Variants in ANO2 observed in about 807,000 individuals in gnomAD.
ANO2 encodes the protein anoctamin-2.
ANO2 carries 101 observed loss-of-function variants against 124.2 expected under a neutral mutation model. The ratio of observed to expected loss-of-function variants is 0.81; its 90% CI spans 0.69 to 0.96. The LOEUF is 0.96. Among genes scored for constraint, ANO2 ranks in the 40% least tolerant of loss-of-function variants. ANO2 has a pLI of 0.00. For synonymous variants in ANO2, 486 were observed against 482.5 expected, an observed-to-expected ratio of 1.01 and a Z score of -0.09; for missense variants, 1,293 against 1,274.5, an observed-to-expected ratio of 1.01 and a Z score of -0.22.
chr12:5,857,900 T>A (rs1955154437), intron 3 of ANO2, among the ~76,000 whole-genome samples: 1 of 152,182 alleles, frequency 6.6e-6, no homozygotes, highest in Admixed American at 6.5e-5. Flanking sequence ...GAGGACATCA[T>A]GTTAAGTGAA....
intron 3 of ANO2, among the ~76,000 whole-genome samples, chr12:5,879,105 C>T (rs4764592): frequency 0.48 from 73,286 of 152,024 alleles, 17,885 homozygotes; most frequent in South Asian, 0.59. Context: ...CTGAAGCTGT[C>T]TGCATTTCCT....
chr12:5,750,870 A>G lies in ANO2; in HGVS notation c.1156T>C (p.Tyr386His), dbSNP rs748450694. ...SSVIGVIVFLYGCATIEEDIP... is the reference protein window; with the variant it reads ...SSVIGVIVFLHGCATIEEDIP... ...TCTTCTTCAATTGTTGCACATCCAT[A>G]AAGAAACACAATCACTCCAATTACA... Residue 386 changes from tyrosine to histidine, a missense_variant, in exon 11 of 25, where the codon TAT becomes CAT. Tyr to His is a moderately conservative substitution (Grantham distance 83, BLOSUM62 2). Coordinates refer to ENST00000682330, the MANE Select transcript of ANO2 (RefSeq NM_001364791.2). The G allele has an allele frequency of 4.3e-6, 7 of 1,612,904 alleles. No individual in the cohort carries two copies. The East Asian group carries it at 1.6e-4, about 36-fold the overall frequency.
intron 10 of ANO2, among the ~76,000 whole-genome samples, chr12:5,774,434 C>T (rs908961829): frequency 6.6e-6 from 1 of 152,098 alleles, no homozygotes; most frequent in Non-Finnish European, 1.5e-5. Flanking sequence ...CCACCACACT[C>T]CAGCCTGGGA....
intron 20 of ANO2, among the ~76,000 whole-genome samples, chr12:5,589,125 G>T (rs1428323641): frequency 6.6e-6 from 1 of 152,144 alleles, no homozygotes; most frequent in Non-Finnish European, 1.5e-5. Flanking sequence ...CCATGGAGAC[G>T]GCAGAAACTA....
At chr12:5,652,159 T>A in intron 14 of ANO2, among the ~76,000 whole-genome samples, 1 of 152,240 alleles carries the variant, frequency 6.6e-6, no homozygotes, top group East Asian at 1.9e-4. Flanking sequence ...ATGTTTGACT[T>A]TATAAGAAAC....
chr12:5,610,817 CAT>C (rs1222930218), intron 19 of ANO2, among the ~76,000 whole-genome samples: 3 of 81,200 alleles, frequency 3.7e-5, no homozygotes, highest in East Asian at 4.5e-4. Flanking sequence ...CAGAGTTGTC[CAT>C]ACACACACAC....
intron 10 of ANO2, among the ~76,000 whole-genome samples, chr12:5,767,330 T>C (rs1283993834): frequency 1.3e-5 from 2 of 152,136 alleles, no homozygotes; most frequent in Non-Finnish European, 2.9e-5. Flanking sequence ...AAAATCCCAA[T>C]GACAGAAGAA....
chr12:5,626,984 G>A (rs112609639), intron 16 of ANO2, among the ~76,000 whole-genome samples: 2 of 152,314 alleles, frequency 1.3e-5, no homozygotes, highest in African/African-American at 4.8e-5. Flanking sequence ...GATGAGTGCT[G>A]CAAGGACTTT....
chr12:5,654,103 C>G (rs1044537747), intron 14 of ANO2, among the ~76,000 whole-genome samples: 19 of 152,298 alleles, frequency 1.2e-4, no homozygotes, highest in African/African-American at 4.3e-4. Context: ...CAGAATGAGA[C>G]TTCTAACTAG....
intron 3 of ANO2, among the ~76,000 whole-genome samples, chr12:5,859,399 T>G (rs1591707202): frequency 6.6e-6 from 1 of 152,220 alleles, no homozygotes; most frequent in African/African-American, 2.4e-5. Flanking sequence ...TGACTCCATT[T>G]TCATAAAGCC....
intron 14 of ANO2, among the ~76,000 whole-genome samples, chr12:5,697,293 G>A (rs189809156): frequency 6.6e-5 from 10 of 152,080 alleles, no homozygotes; most frequent in South Asian, 2.1e-4. Context: ...TTAGCCGGGC[G>A]TGGTGGTGGG....
intron 3 of ANO2, among the ~76,000 whole-genome samples, chr12:5,858,133 A>G (rs1955161798): frequency 6.6e-6 from 1 of 152,230 alleles, no homozygotes; most frequent in African/African-American, 2.4e-5. Context: ...GAATAGGATT[A>G]ATATAATTTA....
At chr12:5,646,175 C>G (rs945808720) in intron 15 of ANO2, among the ~76,000 whole-genome samples, 8 of 152,152 alleles carry the variant, frequency 5.3e-5, no homozygotes, top group Non-Finnish European at 8.8e-5. Context: ...TCCCATAAAA[C>G]CACCAAAACC....
rs1266470158 is a variant in ANO2, at chr12:5,738,230, AC to A, written c.1434+1086del. Among the ~76,000 whole-genome samples, 10 of 152,374 alleles carry A rather than the reference AC, an allele frequency of 6.6e-5. No homozygotes were observed. The East Asian group carries it at 1.9e-3, about 29-fold the overall frequency. On this transcript the variant is annotated intron_variant, in intron 13 of 24. Coordinates refer to ENST00000682330, the MANE Select transcript of ANO2 (RefSeq NM_001364791.2). ...TAAGGAGAAGAAATGGTGACATGCC[AC>A]AGATGTGGGGACATACAGGCTTAGG...
intron 3 of ANO2, among the ~76,000 whole-genome samples, chr12:5,906,108 T>C (rs1219077822): frequency 2.6e-5 from 4 of 151,956 alleles, no homozygotes; most frequent in South Asian, 4.1e-4. Context: ...AAGGTTTCAG[T>C]GCAGGAAAAG....
At chr12:5,738,610 T>C (rs1950969265) in intron 13 of ANO2, among the ~76,000 whole-genome samples, 1 of 152,012 alleles carries the variant, frequency 6.6e-6, no homozygotes, top group South Asian at 2.1e-4. Flanking sequence ...GAGGGCTGAG[T>C]GACAGTGGGG....
intron 3 of ANO2, among the ~76,000 whole-genome samples, chr12:5,901,020 A>G (rs993328307): frequency 6.6e-6 from 1 of 152,210 alleles, no homozygotes; most frequent in Non-Finnish European, 1.5e-5. Flanking sequence ...CAGCAGGGTC[A>G]CTGATTCTCC....
intron 3 of ANO2, among the ~76,000 whole-genome samples, chr12:5,895,997 C>G (rs1939756008): frequency 6.6e-6 from 1 of 152,072 alleles, no homozygotes; most frequent in African/African-American, 2.4e-5. Flanking sequence ...TTGGATGGAG[C>G]TGGAGGCCAT....
At chr12:5,779,922 T>C (rs1015576994) in intron 10 of ANO2, among the ~76,000 whole-genome samples, 2 of 152,172 alleles carry the variant, frequency 1.3e-5, no homozygotes, top group Non-Finnish European at 2.9e-5. Flanking sequence ...AAATGTGACA[T>C]GTGAGCCTAG....
Sources: gnomAD v4.1 joint callset for allele counts (sites outside exome capture counted in the v4.1 genomes callset) on GRCh38, gnomAD v4.1.1 for gene constraint, MANE v1.5 for transcripts, NCBI Gene and HGNC (gene_info 2026-07-23, HGNC 2026-07-21) for gene names.